Variants in PLA1A observed in about 807,000 individuals in gnomAD.
PLA1A encodes phospholipase A1 member A.
A neutral mutation model predicts 49.4 loss-of-function variants in PLA1A; 47 were observed. The ratio of observed to expected loss-of-function variants is 0.95; its 90% CI spans 0.75 to 1.21. The LOEUF is 1.21. Ranked by LOEUF, PLA1A falls within the 50% of genes most tolerant of loss-of-function variation. The probability of loss-of-function intolerance (pLI) is 0.00; values close to 1 mark genes in which losing one functional copy is unlikely to be tolerated. For missense variants in PLA1A, 561 were observed against 563.9 expected (o/e 0.99, Z 0.05); for synonymous variants, 224 against 207.9 (o/e 1.08, Z -0.67).
intron 1 of PLA1A, 120 bp from the exon 2 acceptor site, chr3:119,606,654 A>C (rs1459376104): frequency 3.0e-6 from 2 of 661,850 alleles, no homozygotes; most frequent in Non-Finnish European, 5.2e-6. Flanking sequence ...TAGCTGATGT[A>C]TAATAAACCC....
At chr3:119,628,615 A>T in intron 9 of PLA1A, 86 bp from the exon 10 acceptor site, 1 of 1,284,686 alleles carries the variant, frequency 7.8e-7, no homozygotes, top group Non-Finnish European at 1.1e-6. Context: ...AACCAGTGCC[A>T]CCAGCAGAGC....
intron 1 of PLA1A, among the ~76,000 whole-genome samples, chr3:119,602,077 A>T (rs1266746275): frequency 2.0e-5 from 3 of 151,954 alleles, no homozygotes; most frequent in Admixed American, 1.3e-4. Flanking sequence ...ATTTGCTGAT[A>T]TTTTATCTTA....
At chr3:119,629,359 C>G in intron 10 of PLA1A, 25 bp from the exon 11 acceptor site, 1 of 1,417,674 alleles carries the variant, frequency 7.1e-7, no homozygotes, top group Non-Finnish European at 1.0e-6. Flanking sequence ...CCAGCCACTG[C>G]TCTCTTATTG....
chr3:119,621,947 A>C (rs1452203332), intron 8 of PLA1A, among the ~76,000 whole-genome samples: 1 of 152,086 alleles, frequency 6.6e-6, no homozygotes, highest in Admixed American at 6.5e-5. Flanking sequence ...GGCCAGGTGC[A>C]GTGGCTCACG....
At chr3:119,602,492 C>T (rs574093800) in intron 1 of PLA1A, among the ~76,000 whole-genome samples, 1 of 151,986 alleles carries the variant, frequency 6.6e-6, no homozygotes, top group Non-Finnish European at 1.5e-5. Flanking sequence ...TATTTATATA[C>T]CTTTTTTATT....
intron 2 of PLA1A, among the ~76,000 whole-genome samples, chr3:119,608,163 A>T (rs1396737759): frequency 6.6e-6 from 1 of 151,672 alleles, no homozygotes; most frequent in Non-Finnish European, 1.5e-5. Context: ...AAAGAAAGGG[A>T]GAAGGAAGGA....
chr3:119,614,074 A>G (rs951516030), intron 5 of PLA1A, among the ~76,000 whole-genome samples: 1 of 152,166 alleles, frequency 6.6e-6, no homozygotes, highest in Non-Finnish European at 1.5e-5. Flanking sequence ...TGGTGGGTGC[A>G]GGGAGAAATA....
intron 6 of PLA1A, among the ~76,000 whole-genome samples, chr3:119,617,339 G>C: frequency 6.6e-6 from 1 of 152,152 alleles, no homozygotes; most frequent in East Asian, 1.9e-4. Context: ...TTGTATGGCT[G>C]ATGATAATGG....
At chr3:119,622,184 A>AC (rs2082949109) in intron 8 of PLA1A, among the ~76,000 whole-genome samples, 1 of 49,614 alleles carries the variant, frequency 2.0e-5, no homozygotes, top group Non-Finnish European at 4.6e-5. Flanking sequence ...GAAGAAGAAG[A>AC]AGAAGAAGAA....
In PLA1A at chr3:119,608,781, C is replaced by T. The variant is rs760588762; in HGVS notation, c.287C>T (p.Thr96Ile). ...LIIHGFRVLG[T>I]KPSWIDTFIR... ...GGCCCCCTGTCTAGGGTTTTAGGAACAAAGCCTTCCTGGATTGACACATTT... is the reference window on the plus strand; with the variant it reads ...GGCCCCCTGTCTAGGGTTTTAGGAATAAAGCCTTCCTGGATTGACACATTT... The change falls in exon 3 of 11, where the codon ACA becomes ATA. Residue 96 changes from threonine (T) to isoleucine (I), a missense_variant. Coordinates refer to ENST00000273371, the MANE Select transcript of PLA1A (RefSeq NM_015900.4). 6.2e-7 allele frequency: 1 copy of T among 1,613,508 alleles called. No homozygotes were observed. The highest frequency in any genetic ancestry group is 8.5e-7 in the Non-Finnish European group (1 of 1,179,506).
In PLA1A at chr3:119,619,573, A is replaced by T; in HGVS notation, c.933A>T (p.Glu311Asp). 1 of 1,613,092 alleles carries T rather than the reference A, an allele frequency of 6.2e-7. No individual in the cohort carries two copies. The highest frequency in any genetic ancestry group is 2.2e-5 in the East Asian group (1 of 44,872). Residue 311 changes from glutamate (E) to aspartate (D), a missense_variant, in exon 8 of 11, where the codon GAA becomes GAT. By Grantham distance (45) the Glu-to-Asp change is conservative (BLOSUM62 2). Transcript: ENST00000273371. The stretch of plus-strand genomic sequence containing the variant: ...CTTCTTTATTTCCAGGACTGGTGGA[A>T]CAAGGTGGTGTCAAGATAGAGCCGC... Reference protein sequence around the residue: ...LLSCPRIGLVEQGGVKIEPLP... With the variant: ...LLSCPRIGLVDQGGVKIEPLP...
At position 119,629,490 on chromosome 3, in the gene PLA1A, C is replaced by A. The variant is rs778753997; in HGVS notation, c.*22C>A. On this transcript the variant is annotated 3_prime_UTR_variant, in exon 11 of 11. Transcript: ENST00000273371. ...GTAGTTTAACCTGGGCAGGACACAT[C>A]TCCCTGCATTTTTTTTTTTTTTTTG... 6.7e-6 allele frequency: 9 copies of A among 1,343,588 alleles called. No individual in the cohort carries two copies. Among genetic ancestry groups the A allele is most frequent in the Admixed American group, 1.9e-5 (1 of 52,212 alleles). The allele number at this position is 1,343,588 out of a possible 1,614,324, so 83.2% of individuals were successfully genotyped here. A position where few individuals can be genotyped will look rare whatever the true frequency, so the allele number is the denominator to read the frequency against.
At chr3:119,622,312 C>A (rs1240988683) in intron 8 of PLA1A, among the ~76,000 whole-genome samples, 1 of 152,024 alleles carries the variant, frequency 6.6e-6, no homozygotes, top group East Asian at 2.0e-4. Context: ...GAATTAAATT[C>A]CTAAAGCTTC....
At chr3:119,624,823 G>T (rs1185115101) in intron 8 of PLA1A, among the ~76,000 whole-genome samples, 1 of 152,148 alleles carries the variant, frequency 6.6e-6, no homozygotes, top group African/African-American at 2.4e-5. Flanking sequence ...TAGAGATGGG[G>T]TTTCACCATG....
intron 8 of PLA1A, among the ~76,000 whole-genome samples, chr3:119,622,707 C>T (rs894837023): frequency 6.6e-6 from 1 of 151,962 alleles, no homozygotes; most frequent in Admixed American, 6.6e-5. Flanking sequence ...GTTCCCATCA[C>T]CAAAGGAGCC....
intron 8 of PLA1A, among the ~76,000 whole-genome samples, chr3:119,624,636 T>G (rs919974711): frequency 4.3e-5 from 6 of 139,506 alleles, no homozygotes; most frequent in Non-Finnish European, 9.1e-5. Context: ...GGGTATCTAT[T>G]TTTTTTTTTT....
At chr3:119,611,950 C>T (rs925251235) in intron 4 of PLA1A, among the ~76,000 whole-genome samples, 1 of 152,158 alleles carries the variant, frequency 6.6e-6, no homozygotes, top group Admixed American at 6.5e-5. Context: ...CTCCTTGGCC[C>T]ACTGTGGAAA....
At chr3:119,614,404 C>G (rs562988418) in intron 5 of PLA1A, among the ~76,000 whole-genome samples, 1 of 152,074 alleles carries the variant, frequency 6.6e-6, no homozygotes, top group South Asian at 2.1e-4. Flanking sequence ...GAGATCGAGA[C>G]CATCTGGGCT....
intron 1 of PLA1A, among the ~76,000 whole-genome samples, chr3:119,601,573 T>A (rs2082619153): frequency 6.6e-6 from 1 of 152,248 alleles, no homozygotes; most frequent in East Asian, 1.9e-4. Context: ...TGTTCTTTGG[T>A]TGGAGTGGTG....
Sources: gnomAD v4.1 joint callset for allele counts (sites outside exome capture counted in the v4.1 genomes callset) on GRCh38, gnomAD v4.1.1 for gene constraint, MANE v1.5 for transcripts, NCBI Gene and HGNC (gene_info 2026-07-23, HGNC 2026-07-21) for gene names.